NBEA: variants seen among roughly 807,000 people sequenced by gnomAD.
NBEA encodes the protein neurobeachin.
A neutral mutation model predicts 343.4 loss-of-function variants in NBEA; 44 were observed. The ratio of observed to expected loss-of-function variants is 0.13; its 90% CI spans 0.10 to 0.16. The LOEUF is 0.16. Ranked by LOEUF, NBEA falls within the 10% of genes least tolerant of loss-of-function variation. The pLI is 1.00. For synonymous variants in NBEA, 1,175 were observed against 1,238.7 expected (o/e 0.95, Z 1.08); for missense variants, 2,555 against 3,631.3 (o/e 0.70, Z 7.62).
chr13:35,072,542 TTTTGTTTGTTTG>T (rs141162226), intron 10 of NBEA, among the ~76,000 whole-genome samples: 1 of 151,944 alleles, frequency 6.6e-6, no homozygotes, highest in South Asian at 2.1e-4. Context: ...CTATTATGTC[TTTTGTTTGTTTG>T]TTTGTTTGTT....
intron 34 of NBEA, among the ~76,000 whole-genome samples, chr13:35,282,120 G>C (rs1228609357): frequency 1.3e-5 from 2 of 151,284 alleles, no homozygotes; most frequent in Non-Finnish European, 2.9e-5. Context: ...GGGTTTCACC[G>C]TGTTAGCCAG....
At chr13:35,443,955 G>T in intron 39 of NBEA, among the ~76,000 whole-genome samples, 1 of 151,778 alleles carries the variant, frequency 6.6e-6, no homozygotes, top group Non-Finnish European at 1.5e-5. Context: ...TCTTAAGGAA[G>T]GACGCACTTA....
At chr13:35,208,589 TAAA>T (rs772730536) in intron 31 of NBEA, 108 bp from the exon 32 acceptor site, 14 of 1,002,946 alleles carry the variant, frequency 1.4e-5, no homozygotes, top group African/African-American at 3.3e-5. Flanking sequence ...TTTTTTTAAT[TAAA>T]AGAAGAGAGG....
intron 36 of NBEA, among the ~76,000 whole-genome samples, chr13:35,322,996 C>T (rs900863146): frequency 7.9e-5 from 12 of 151,896 alleles, no homozygotes; most frequent in Non-Finnish European, 1.6e-4. Flanking sequence ...ACTATAGGCA[C>T]GAGCCACCAT....
chr13:35,243,390 A>G (rs2030658175), intron 34 of NBEA, among the ~76,000 whole-genome samples: 1 of 151,874 alleles, frequency 6.6e-6, no homozygotes, highest in Non-Finnish European at 1.5e-5. Flanking sequence ...GAAAACAACA[A>G]ATTAAAATAG....
intron 35 of NBEA, among the ~76,000 whole-genome samples, chr13:35,302,654 A>G (rs976221543): frequency 3.9e-5 from 6 of 152,200 alleles, no homozygotes; most frequent in African/African-American, 1.4e-4. Context: ...AGGGAAAAAA[A>G]TGCACCAGGA....
At chr13:35,131,623 A>G (rs1400600101) in intron 17 of NBEA, among the ~76,000 whole-genome samples, 1 of 152,120 alleles carries the variant, frequency 6.6e-6, no homozygotes, top group African/African-American at 2.4e-5. Context: ...CCTTTGAAAA[A>G]CTAACAATTA....
At chr13:35,525,647 C>T (rs915188673) in intron 41 of NBEA, among the ~76,000 whole-genome samples, 1 of 152,148 alleles carries the variant, frequency 6.6e-6, no homozygotes, top group Non-Finnish European at 1.5e-5. Flanking sequence ...TATATGGGAA[C>T]TCTGAGGCAG....
At chr13:35,035,061 T>G (rs1370748541) in intron 1 of NBEA, among the ~76,000 whole-genome samples, 2 of 151,892 alleles carry the variant, frequency 1.3e-5, no homozygotes, top group African/African-American at 2.4e-5. Context: ...CTTCTACTAA[T>G]TTTGGATTTG....
intron 49 of NBEA, among the ~76,000 whole-genome samples, chr13:35,630,305 G>A (rs912913636): frequency 6.6e-6 from 1 of 152,082 alleles, no homozygotes; most frequent in African/African-American, 2.4e-5. Flanking sequence ...TCATTGCTTT[G>A]GACAGTGAAA....
At chr13:35,536,646 T>TGATAGATAGATAGATAGATAGATAGATA (rs79061692) in intron 41 of NBEA, among the ~76,000 whole-genome samples, 1 of 99,360 alleles carries the variant, frequency 1.0e-5, no homozygotes, top group African/African-American at 6.3e-5. Flanking sequence ...AATAGATAGA[T>TGATAGATAGATAGATAGATAGATAGATA]GATAGATAGA....
chr13:35,535,922 T>C (rs1459705581), intron 41 of NBEA, among the ~76,000 whole-genome samples: 3 of 152,174 alleles, frequency 2.0e-5, no homozygotes, highest in Non-Finnish European at 2.9e-5. Flanking sequence ...CTGCCTTAGG[T>C]AGATACACAG....
intron 33 of NBEA, among the ~76,000 whole-genome samples, chr13:35,222,616 A>G (rs916699413): frequency 6.6e-6 from 1 of 152,026 alleles, no homozygotes; most frequent in African/African-American, 2.4e-5. Context: ...CAATATTTCA[A>G]ACATTTTTAA....
intron 35 of NBEA, among the ~76,000 whole-genome samples, chr13:35,308,538 A>G (rs902289685): frequency 1.8e-4 from 22 of 123,910 alleles, no homozygotes; most frequent in African/African-American, 4.0e-4. Flanking sequence ...ATATGTATAT[A>G]TGTATATATA....
chr13:35,476,656 G>T, intron 41 of NBEA: 1 of 557,524 alleles, frequency 1.8e-6, no homozygotes, highest in Non-Finnish European at 2.8e-6. Flanking sequence ...GTGTGCGTGT[G>T]TATATGTCAG....
chr13:35,397,992 A>G lies in NBEA; in HGVS notation c.6180-34277A>G, dbSNP rs182526728. ...ACTCAGCAGTATGTGATGCTGTTTG[A>G]TAGCATTTTCCCATAGAACTTCTTT... is the stretch of plus-strand genomic sequence containing the variant. On this transcript the variant is annotated intron_variant, in intron 38 of 58. Coordinates refer to ENST00000379939, the MANE Select transcript of NBEA (RefSeq NM_001385012.1). Among the ~76,000 whole-genome samples the G allele has an allele frequency of 1.4e-3, 218 of 152,262 alleles. 1 individual carries two copies. Among genetic ancestry groups the G allele is most frequent in the African/African-American group, 4.2e-3 (173 of 41,574 alleles).
At chr13:35,154,621 C>T (rs1425758566) in intron 18 of NBEA, among the ~76,000 whole-genome samples, 1 of 152,100 alleles carries the variant, frequency 6.6e-6, no homozygotes, top group East Asian at 1.9e-4. Context: ...GTGTGTCAGG[C>T]ATTAGTGCTG....
intron 8 of NBEA, among the ~76,000 whole-genome samples, chr13:35,065,232 G>A (rs995367025): frequency 9.2e-5 from 14 of 151,844 alleles, no homozygotes; most frequent in Admixed American, 3.3e-4. Context: ...ATTTTGCCTG[G>A]CTATAAAATC....
chr13:35,252,838 A>G (rs1478869605), intron 34 of NBEA, among the ~76,000 whole-genome samples: 2 of 152,184 alleles, frequency 1.3e-5, no homozygotes, highest in Non-Finnish European at 2.9e-5. Context: ...GTTGAGCTGG[A>G]TGGGCCTGAA....
Sources: gnomAD v4.1 joint callset for allele counts (sites outside exome capture counted in the v4.1 genomes callset) on GRCh38, gnomAD v4.1.1 for gene constraint, MANE v1.5 for transcripts, NCBI Gene and HGNC (gene_info 2026-07-23, HGNC 2026-07-21) for gene names.